The following SH3GL3 variants were observed in gnomAD, a reference collection of about 807,000 sequenced individuals.
SH3GL3 encodes endophilin-A3.
A neutral mutation model predicts 47.7 loss-of-function variants in SH3GL3; 33 were observed. The ratio of observed to expected loss-of-function variants is 0.69; its 90% CI spans 0.52 to 0.92. The LOEUF is 0.92. SH3GL3 is among the 40% of genes least tolerant of loss of function. The pLI is 0.00. For synonymous variants in SH3GL3, 155 were observed against 148.8 expected (o/e 1.04, Z -0.30); for missense variants, 363 against 417.8 (o/e 0.87, Z 1.14).
intron 6 of SH3GL3, among the ~76,000 whole-genome samples, chr15:83,578,514 G>A (rs1440939553): frequency 1.3e-5 from 2 of 152,196 alleles, no homozygotes; most frequent in African/African-American, 4.8e-5. Context: ...CCATGGTGAT[G>A]TATGGAGGAA....
At chr15:83,483,013 T>C (rs556195828) in intron 1 of SH3GL3, among the ~76,000 whole-genome samples, 18 of 152,334 alleles carry the variant, frequency 1.2e-4, no homozygotes, top group African/African-American at 4.3e-4. Context: ...GTTTTGACTT[T>C]TCCTTCCCTT....
At position 83,592,280 on chromosome 15, in the gene SH3GL3, T is replaced by C. The variant is rs571004805; in HGVS notation, c.838+3509T>C. Among the ~76,000 whole-genome samples the C allele has an allele frequency of 2.0e-5, 3 of 152,324 alleles. No homozygotes were observed. The South Asian group carries it at 6.2e-4, about 32-fold the overall frequency. On this transcript the variant is annotated intron_variant, in intron 8 of 8. Coordinates refer to ENST00000427482, the MANE Select transcript of SH3GL3 (RefSeq NM_003027.5). Reference sequence around the variant, plus strand: ...CCTTCCAATTTACTTATAATCACTATTTTTGTTAAATAAATATTCATTGTG... The same window carrying C: ...CCTTCCAATTTACTTATAATCACTACTTTTGTTAAATAAATATTCATTGTG...
intron 8 of SH3GL3, among the ~76,000 whole-genome samples, chr15:83,590,323 G>A (rs2730094): frequency 0.83 from 125,593 of 151,752 alleles, 52,787 homozygotes; most frequent in Admixed American, 0.89. Context: ...TCTTTTGCTT[G>A]TGACTTTACA....
chr15:83,470,847 C>T (rs753762092), intron 1 of SH3GL3, among the ~76,000 whole-genome samples: 4 of 152,054 alleles, frequency 2.6e-5, no homozygotes, highest in Non-Finnish European at 4.4e-5. Context: ...TACACACACA[C>T]GTTATCAAAG....
intron 1 of SH3GL3, among the ~76,000 whole-genome samples, chr15:83,552,161 T>C (rs528256158): frequency 1.5e-3 from 234 of 152,304 alleles, no homozygotes; most frequent in Non-Finnish European, 1.6e-3. Context: ...GATCTTTGCA[T>C]CTCTAGCAAA....
intron 1 of SH3GL3, among the ~76,000 whole-genome samples, chr15:83,486,134 T>C (rs2151567896): frequency 6.6e-6 from 1 of 152,370 alleles, no homozygotes. Flanking sequence ...TTCAAATTTC[T>C]CTAATATTCT....
chr15:83,601,643 T>C (rs534546030), intron 8 of SH3GL3, among the ~76,000 whole-genome samples: 1 of 152,280 alleles, frequency 6.6e-6, no homozygotes, highest in African/African-American at 2.4e-5. Context: ...TCAGGGATAT[T>C]GGTCTGTAGT....
At chr15:83,591,749 C>T (rs1342288867) in intron 8 of SH3GL3, among the ~76,000 whole-genome samples, 1 of 151,904 alleles carries the variant, frequency 6.6e-6, no homozygotes, top group Admixed American at 6.5e-5. Flanking sequence ...GCAGTGGCGC[C>T]ATCTCGGCTC....
At chr15:83,542,303 G>A (rs943786711) in intron 1 of SH3GL3, among the ~76,000 whole-genome samples, 1 of 152,024 alleles carries the variant, frequency 6.6e-6, no homozygotes, top group Non-Finnish European at 1.5e-5. Context: ...TTATCCCTGG[G>A]TTCTTTGTTT....
At chr15:83,563,311 C>T (rs1278050045) in intron 2 of SH3GL3, among the ~76,000 whole-genome samples, 3 of 152,178 alleles carry the variant, frequency 2.0e-5, no homozygotes, top group South Asian at 4.2e-4. Flanking sequence ...TGTTGATTTC[C>T]ATTTTCAATA....
chr15:83,514,383 G>T (rs1005174683), intron 1 of SH3GL3, among the ~76,000 whole-genome samples: 38 of 152,060 alleles, frequency 2.5e-4, no homozygotes, highest in African/African-American at 8.9e-4. Context: ...TTCTCAAAAT[G>T]ATTTAGTGGA....
chr15:83,472,902 T>C (rs77187723), intron 1 of SH3GL3, among the ~76,000 whole-genome samples: 13,774 of 152,138 alleles, frequency 0.091, 811 homozygotes, highest in East Asian at 0.26. Flanking sequence ...GTGGGGGAAG[T>C]CTCCTCTCAG....
At position 83,618,421 on chromosome 15, in the gene SH3GL3, A is replaced by C; in HGVS notation, c.*134A>C. Reference sequence around the variant, plus strand: ...ACTTTTGTATGTGTGCTCTCTTTATAATGTATTTTATATCACTTTAATTTG... The same window carrying C: ...ACTTTTGTATGTGTGCTCTCTTTATCATGTATTTTATATCACTTTAATTTG... On this transcript the variant is annotated 3_prime_UTR_variant, in exon 9 of 9. Transcript: ENST00000427482. 1 of 621,736 alleles carries C rather than the reference A, an allele frequency of 1.6e-6. No individual in the cohort carries two copies. The highest frequency in any genetic ancestry group is 2.0e-5 in the South Asian group (1 of 50,856). The allele number at this position is 621,736 out of a possible 1,614,324, so 38.5% of individuals were successfully genotyped here.
At chr15:83,616,820 G>A (rs1243781536) in intron 8 of SH3GL3, among the ~76,000 whole-genome samples, 1 of 151,298 alleles carries the variant, frequency 6.6e-6, no homozygotes. Flanking sequence ...AAAGAATGAA[G>A]GAAGGAAGGA....
At chr15:83,538,815 CT>C (rs2044031810) in intron 1 of SH3GL3, among the ~76,000 whole-genome samples, 1 of 152,110 alleles carries the variant, frequency 6.6e-6, no homozygotes, top group South Asian at 2.1e-4. Context: ...ATGAGTAATA[CT>C]ATTTTTACAT....
chr15:83,614,024 ATAAT>A (rs1466302732), intron 8 of SH3GL3, among the ~76,000 whole-genome samples: 3 of 152,206 alleles, frequency 2.0e-5, no homozygotes, highest in African/African-American at 7.2e-5. Context: ...TAAAAGAATA[ATAAT>A]TATTTTTATA....
intron 1 of SH3GL3, among the ~76,000 whole-genome samples, chr15:83,450,703 TTC>T (rs1333401797): frequency 0.032 from 3,861 of 120,392 alleles, 65 homozygotes; most frequent in Middle Eastern, 0.083. Flanking sequence ...ACCCAAATTT[TTC>T]TTTTTTTTTT....
chr15:83,554,311 C>T (rs1050174812), intron 1 of SH3GL3, among the ~76,000 whole-genome samples: 1 of 152,172 alleles, frequency 6.6e-6, no homozygotes, highest in Non-Finnish European at 1.5e-5. Flanking sequence ...CCTCAGCCTC[C>T]TGAGTAGCTG....
At chr15:83,458,508 C>T (rs932770786) in intron 1 of SH3GL3, among the ~76,000 whole-genome samples, 6 of 152,160 alleles carry the variant, frequency 3.9e-5, no homozygotes, top group Non-Finnish European at 7.4e-5. Flanking sequence ...ATCATCCATC[C>T]GTGGTAGAGG....
Sources: allele counts gnomAD v4.1 joint callset (sites outside exome capture counted in the v4.1 genomes callset), GRCh38; gene constraint gnomAD v4.1.1; transcripts MANE v1.5; gene names NCBI Gene and HGNC (gene_info 2026-07-23, HGNC 2026-07-21).